ZNF705B: variants seen among roughly 807,000 people sequenced by gnomAD.
The protein encoded by ZNF705B is Putative zinc finger protein 705D-like protein LOC100132396.
Under a neutral mutation model 10.5 loss-of-function variants are expected in ZNF705B, and 1 was observed. The ratio of observed to expected loss-of-function variants is 0.10; its 90% CI spans 0.03 to 0.45. The LOEUF (loss-of-function observed/expected upper bound fraction) is 0.45. Ranked by LOEUF, ZNF705B falls within the 20% of genes least tolerant of loss-of-function variation. The probability of loss-of-function intolerance (pLI) is 0.97; values close to 1 mark genes in which losing one functional copy is unlikely to be tolerated. For synonymous variants in ZNF705B, 4 were observed against 25.4 expected (o/e 0.16, Z 2.53); for missense variants, 14 against 84.0 (o/e 0.17, Z 3.26).
In ZNF705B at chr8:7,928,206, G is replaced by C. The variant is rs1199941123; in HGVS notation, c.-222+1809G>C. ...TATAAGGGCAGCAATCCCATCACAA[G>C]GACTTCAGCTCCACGACTTAATCAC... On this transcript the variant is annotated intron_variant, in intron 1 of 6. Coordinates refer to ENST00000400120, the MANE Select transcript of ZNF705B (RefSeq NM_001193630.1). Among the ~76,000 whole-genome samples, 2 of 109,740 alleles carry C rather than the reference G, an allele frequency of 1.8e-5. 1 individual carries two copies. Among genetic ancestry groups the C allele is most frequent in the Admixed American group, 2.3e-4 (2 of 8,642 alleles). The allele number at this position is 109,740 out of a possible 152,430, so 72.0% of individuals were successfully genotyped here.
chr8:7,940,858 G>T (rs1472497825), intron 2 of ZNF705B, among the ~76,000 whole-genome samples: 1 of 143,390 alleles, frequency 7.0e-6, no homozygotes, highest in African/African-American at 2.5e-5. Context: ...CCTCCCAACA[G>T]GCCCCAGTGT....
chr8:7,928,153 G>C (rs1819749118), intron 1 of ZNF705B, among the ~76,000 whole-genome samples: 1 of 113,034 alleles, frequency 8.8e-6, no homozygotes, highest in African/African-American at 2.6e-5. Flanking sequence ...GTGGTGAAAG[G>C]TACAAACGAG....
At chr8:7,929,386 G>T (rs752981036) in intron 1 of ZNF705B, among the ~76,000 whole-genome samples, 1 of 121,528 alleles carries the variant, frequency 8.2e-6, no homozygotes, top group African/African-American at 2.5e-5. Flanking sequence ...CAAAAGGAAA[G>T]TTGATAGATG....
At chr8:7,929,146 A>T (rs375628734) in intron 1 of ZNF705B, among the ~76,000 whole-genome samples, 2 of 121,794 alleles carry the variant, frequency 1.6e-5, no homozygotes, top group African/African-American at 5.0e-5. Context: ...TAGCACTTTC[A>T]TATCTTGAAA....
chr8:7,940,628 C>G (rs1288208320), intron 2 of ZNF705B, among the ~76,000 whole-genome samples: 1 of 144,860 alleles, frequency 6.9e-6, no homozygotes, highest in African/African-American at 2.5e-5. Flanking sequence ...AACCACCATT[C>G]TACTCTCTGC....
At position 7,926,340 on chromosome 8, in the gene ZNF705B, C is replaced by T. The variant is rs1212484208; in HGVS notation, c.-279C>T. ...GTCACTGGAGCTGCTTTCAGGTGTCCTTGTCCCAAGGGACATACAGCACAC... is the reference window on the plus strand; with the variant it reads ...GTCACTGGAGCTGCTTTCAGGTGTCTTTGTCCCAAGGGACATACAGCACAC... On this transcript the variant is annotated 5_prime_UTR_variant, in exon 1 of 7. Transcript: ENST00000400120. 7.8e-5 allele frequency: 9 copies of T among 116,126 alleles called. No individual in the cohort carries two copies. Among genetic ancestry groups the T allele is most frequent in the African/African-American group, 2.1e-4 (8 of 38,264 alleles). 7.2% of individuals were successfully genotyped at this position (116,126 alleles called of 1,614,324 possible).
chr8:7,926,383 G>A lies in ZNF705B; in HGVS notation c.-236G>A, dbSNP rs1308196055. ...CAGCACACAGCCTGTGGAGGGTGGA[G>A]GAACCAACTGCAAGGTGGGTTTCCA... is the stretch of plus-strand genomic sequence containing the variant. On this transcript the variant is annotated 5_prime_UTR_variant, in exon 1 of 7. Transcript: ENST00000400120. The A allele has an allele frequency of 8.5e-6, 1 of 118,336 alleles. No homozygotes were observed. Among genetic ancestry groups the A allele is most frequent in the African/African-American group, 2.6e-5 (1 of 38,560 alleles). 7.3% of individuals were successfully genotyped at this position (118,336 alleles called of 1,614,324 possible).
chr8:7,930,962 TCTC>T (rs1428229364), intron 2 of ZNF705B, among the ~76,000 whole-genome samples: 1 of 126,854 alleles, frequency 7.9e-6, no homozygotes, highest in Non-Finnish European at 1.9e-5. Flanking sequence ...CTCAAGCAAT[TCTC>T]CTGCCTCAGC....
chr8:7,933,958 T>TTTTTTTTTTTTA (rs1819925336), intron 2 of ZNF705B, among the ~76,000 whole-genome samples: 2 of 70,204 alleles, frequency 2.8e-5, no homozygotes, highest in African/African-American at 7.4e-5. Flanking sequence ...TTTTTTTTTT[T>TTTTTTTTTTTTA]GAGACAGTGT....
chr8:7,930,846 GT>G (rs5889212), intron 2 of ZNF705B, among the ~76,000 whole-genome samples: 1,616 of 72,656 alleles, frequency 0.022, 119 homozygotes, highest in Non-Finnish European at 0.034. Context: ...TATTTTTTTT[GT>G]TTTTTTTTTT....
In ZNF705B at chr8:7,926,830, G is replaced by A. The variant is rs1391558273; in HGVS notation, c.-222+433G>A. ...TATTGCTGTCAAACACACAGAACTAGTTTATCTCACTAGAGATGTGTTCCT... is the reference window on the plus strand; with the variant it reads ...TATTGCTGTCAAACACACAGAACTAATTTATCTCACTAGAGATGTGTTCCT... On this transcript the variant is annotated intron_variant, in intron 1 of 6. Coordinates refer to ENST00000400120, the MANE Select transcript of ZNF705B (RefSeq NM_001193630.1). Among the ~76,000 whole-genome samples, 2 of 116,104 alleles carry A rather than the reference G, an allele frequency of 1.7e-5. 1 individual carries two copies. The highest frequency in any genetic ancestry group is 4.1e-5 in the Non-Finnish European group (2 of 48,832). The allele number at this position is 116,104 out of a possible 152,430, so 76.2% of individuals were successfully genotyped here. A position where few individuals can be genotyped will look rare whatever the true frequency, so the allele number is the denominator to read the frequency against.
chr8:7,935,455 G>A, intron 2 of ZNF705B, among the ~76,000 whole-genome samples: 1 of 133,640 alleles, frequency 7.5e-6, no homozygotes, highest in African/African-American at 2.5e-5. Context: ...ATGTAACACA[G>A]AGCACCTTTT....
intron 1 of ZNF705B, among the ~76,000 whole-genome samples, chr8:7,927,855 A>G (rs1322251004): frequency 7.0e-6 from 1 of 143,580 alleles, no homozygotes. Flanking sequence ...CATCTCATCA[A>G]CAATCTACCT....
At chr8:7,936,684 C>T (rs1241595934) in intron 2 of ZNF705B, among the ~76,000 whole-genome samples, 1 of 117,894 alleles carries the variant, frequency 8.5e-6, no homozygotes. Context: ...TGCACATGGA[C>T]ATAAAAATGG....
chr8:7,936,937 T>C (rs1304482142), intron 2 of ZNF705B, among the ~76,000 whole-genome samples: 9 of 120,184 alleles, frequency 7.5e-5, no homozygotes, highest in Non-Finnish European at 4.0e-5. Context: ...CATTGTTCAT[T>C]TGTAAGAATT....
chr8:7,934,692 CTG>C (rs772466497), intron 2 of ZNF705B: 14,626 of 78,072 alleles, frequency 0.19, 105 homozygotes, highest in Middle Eastern at 0.25. Context: ...GTGTGTGTGT[CTG>C]TGTGTGTGTG....
rs1403760119 is a variant in ZNF705B at position 7,948,882 on chromosome 8, TGG to T, written c.13-245_13-244del. Among the ~76,000 whole-genome samples the T allele has an allele frequency of 5.4e-5, 4 of 74,274 alleles. 2 individuals carry two copies. The highest frequency in any genetic ancestry group is 1.4e-4 in the Non-Finnish European group (4 of 28,634). The allele number at this position is 74,274 out of a possible 152,430, so 48.7% of individuals were successfully genotyped here. On this transcript the variant is annotated intron_variant, in intron 3 of 6. Coordinates refer to ENST00000400120, the MANE Select transcript of ZNF705B (RefSeq NM_001193630.1). Reference sequence around the variant, plus strand: ...GATTAACACATTACTGAAAAATATCTGGGTTATATTATGCCACACCTCATGCA... The same window carrying T: ...GATTAACACATTACTGAAAAATATCTGTTATATTATGCCACACCTCATGCA...
intron 2 of ZNF705B, among the ~76,000 whole-genome samples, chr8:7,930,880 A>C (rs538353222): frequency 2.3e-5 from 3 of 130,866 alleles, no homozygotes; most frequent in Admixed American, 1.7e-4. Context: ...GTTTTGAGAC[A>C]GAGTCTAGCT....
chr8:7,933,318 G>A (rs1819904151), intron 2 of ZNF705B, among the ~76,000 whole-genome samples: 1 of 60,522 alleles, frequency 1.7e-5, no homozygotes, highest in Non-Finnish European at 4.4e-5. Flanking sequence ...AGAAAGCTCA[G>A]CCCTGCTGAC....
Sources: gnomAD v4.1 joint callset for allele counts (sites outside exome capture counted in the v4.1 genomes callset) on GRCh38, gnomAD v4.1.1 for gene constraint, MANE v1.5 for transcripts, NCBI Gene and HGNC (gene_info 2026-07-23, HGNC 2026-07-21) for gene names.